Variants in AGBL4 observed in about 807,000 individuals in gnomAD.
AGBL4 encodes AGBL carboxypeptidase 4, also known as cytosolic carboxypeptidase 6.
In AGBL4, 58 loss-of-function variants were observed where a neutral mutation model predicts 66.4. The observed-to-expected ratio is 0.87, with a 90% CI of 0.71 to 1.09. The LOEUF (loss-of-function observed/expected upper bound fraction) is 1.09, where lower values mean the gene tolerates loss of function less well. Ranked by LOEUF, AGBL4 falls within the 50% of genes least tolerant of loss-of-function variation. The probability of loss-of-function intolerance (pLI) is 0.00; values close to 1 mark genes in which losing one functional copy is unlikely to be tolerated. For synonymous variants in AGBL4, 234 were observed against 222.9 expected, an observed-to-expected ratio of 1.05 and a Z score of -0.44; for missense variants, 579 against 631.0, an observed-to-expected ratio of 0.92 and a Z score of 0.88.
At chr1:48,809,966 T>C (rs1363690032) in intron 6 of AGBL4, among the ~76,000 whole-genome samples, 1 of 152,144 alleles carries the variant, frequency 6.6e-6, no homozygotes, top group Non-Finnish European at 1.5e-5. Context: ...ACCTATGCCC[T>C]ATATTATGTT....
At chr1:48,573,924 T>C (rs920447584) in intron 11 of AGBL4, among the ~76,000 whole-genome samples, 3 of 152,202 alleles carry the variant, frequency 2.0e-5, no homozygotes, top group African/African-American at 4.8e-5. Flanking sequence ...AATATAATAA[T>C]CATTGTTACA....
intron 3 of AGBL4, among the ~76,000 whole-genome samples, chr1:49,684,065 T>A (rs989712129): frequency 6.6e-6 from 1 of 152,194 alleles, no homozygotes; most frequent in Non-Finnish European, 1.5e-5. Flanking sequence ...TCTAGATTCA[T>A]AATGGGGCAT....
chr1:49,081,710 C>A (rs1367945936), intron 4 of AGBL4, among the ~76,000 whole-genome samples: 1 of 152,200 alleles, frequency 6.6e-6, no homozygotes, highest in East Asian at 1.9e-4. Flanking sequence ...AGCCAAAGTT[C>A]CCCATCCCCC....
intron 4 of AGBL4, among the ~76,000 whole-genome samples, chr1:49,095,933 C>G (rs940048658): frequency 1.3e-5 from 2 of 152,100 alleles, no homozygotes; most frequent in African/African-American, 4.8e-5. Context: ...TTTTTGCAAT[C>G]TACTCATCCG....
At chr1:49,308,061 C>G (rs1644879054) in intron 3 of AGBL4, among the ~76,000 whole-genome samples, 1 of 152,102 alleles carries the variant, frequency 6.6e-6, no homozygotes, top group South Asian at 2.1e-4. Context: ...CCTCTCTGCT[C>G]TCTCTTGCCC....
chr1:49,076,976 AC>A (rs1644721097), intron 4 of AGBL4, among the ~76,000 whole-genome samples: 1 of 152,156 alleles, frequency 6.6e-6, no homozygotes, highest in Non-Finnish European at 1.5e-5. Context: ...TAAGGAATGT[AC>A]CCACGTTATG....
intron 3 of AGBL4, among the ~76,000 whole-genome samples, chr1:49,564,654 G>A (rs1386531921): frequency 6.6e-6 from 1 of 152,286 alleles, no homozygotes. Flanking sequence ...TAGTTTGATT[G>A]CACTGTGGTC....
At chr1:49,946,022 T>C (rs768891241) in intron 1 of AGBL4, among the ~76,000 whole-genome samples, 13 of 152,002 alleles carry the variant, frequency 8.6e-5, no homozygotes, top group Non-Finnish European at 1.8e-4. Flanking sequence ...ATCCTAAATA[T>C]ATATGCACCT....
chr1:49,967,078 C>T (rs191552040), intron 1 of AGBL4, among the ~76,000 whole-genome samples: 4 of 152,222 alleles, frequency 2.6e-5, no homozygotes, highest in African/African-American at 9.6e-5. Context: ...AGGAATCTTA[C>T]CACACTGTCT....
intron 5 of AGBL4, among the ~76,000 whole-genome samples, chr1:49,001,775 C>T (rs948273592): frequency 5.5e-4 from 83 of 152,222 alleles, no homozygotes; most frequent in African/African-American, 1.9e-3. Context: ...ATATCACTTC[C>T]TTGTTTAAAC....
At chr1:49,809,370 C>T (rs1645048195) in intron 2 of AGBL4, among the ~76,000 whole-genome samples, 1 of 143,898 alleles carries the variant, frequency 6.9e-6, no homozygotes, top group Non-Finnish European at 1.5e-5. Flanking sequence ...TCTCATTGTT[C>T]AATTCCCACT....
chr1:49,368,655 GCT>G (rs1191216377), intron 3 of AGBL4, among the ~76,000 whole-genome samples: 1 of 152,066 alleles, frequency 6.6e-6, no homozygotes, highest in Non-Finnish European at 1.5e-5. Flanking sequence ...TACATTCCTG[GCT>G]CTTTCTGTCC....
At chr1:49,276,869 C>T (rs1333251772) in intron 3 of AGBL4, among the ~76,000 whole-genome samples, 2 of 152,126 alleles carry the variant, frequency 1.3e-5, no homozygotes, top group Non-Finnish European at 2.9e-5. Flanking sequence ...CCCATGTGCA[C>T]ATTAATAAAT....
At chr1:49,878,168 G>A (rs1179034067) in intron 1 of AGBL4, among the ~76,000 whole-genome samples, 4 of 145,590 alleles carry the variant, frequency 2.7e-5, no homozygotes, top group African/African-American at 7.9e-5. Flanking sequence ...CTTCAGTTCT[G>A]CTCTGATTTT....
chr1:48,828,041 CACAA>C (rs1646468168), intron 6 of AGBL4, among the ~76,000 whole-genome samples: 1 of 141,264 alleles, frequency 7.1e-6, no homozygotes, highest in Admixed American at 7.1e-5. Context: ...CACACACACA[CACAA>C]ATTAGCCGGG....
chr1:49,972,787 A>T (rs1040546000), intron 1 of AGBL4, among the ~76,000 whole-genome samples: 2 of 152,198 alleles, frequency 1.3e-5, no homozygotes, highest in East Asian at 3.8e-4. Flanking sequence ...AGAAAAAAAC[A>T]TAGTGTATAT....
At position 49,753,566 on chromosome 1, in the gene AGBL4, G is replaced by A. The variant is rs193062472; in HGVS notation, c.158-56129C>T. On this transcript the variant is annotated intron_variant, in intron 2 of 13. Transcript: ENST00000371839. ...GTGTCTTGGGGTTGCTATTCTCAAG[G>A]AATATCTCTGTGGTGTTGTCTGTAT... Among the ~76,000 whole-genome samples the A allele has an allele frequency of 2.6e-3, 402 of 152,236 alleles. 6 individuals carry two copies. Among genetic ancestry groups the A allele is most frequent in the Admixed American group, 0.023 (344 of 15,278 alleles).
intron 3 of AGBL4, among the ~76,000 whole-genome samples, chr1:49,654,748 C>T (rs1372769361): frequency 6.6e-6 from 1 of 152,158 alleles, no homozygotes; most frequent in African/African-American, 2.4e-5. Context: ...ATTGCAACCC[C>T]TGCCTTTTTT....
rs970970265 is a variant in AGBL4 at position 49,079,024 on chromosome 1, A to G, written c.378-33224T>C. ...ACTTGCCCACTCTGTTACACCAGCA[A>G]TCTTGAAACATAGATATGAAACACA... On this transcript the variant is annotated intron_variant, in intron 4 of 13. Transcript: ENST00000371839. 3.3e-5 allele frequency among the ~76,000 whole-genome samples: 5 copies of G among 152,194 alleles called. No individual in the cohort carries two copies. The South Asian group carries it at 8.3e-4, about 25-fold the overall frequency.
Sources: allele counts gnomAD v4.1 joint callset (sites outside exome capture counted in the v4.1 genomes callset), GRCh38; gene constraint gnomAD v4.1.1; transcripts MANE v1.5; gene names NCBI Gene and HGNC (gene_info 2026-07-23, HGNC 2026-07-21).